Variants in LRRC9 observed in about 807,000 individuals in gnomAD.
The protein encoded by LRRC9 is leucine-rich repeat-containing protein 9.
LRRC9 carries 122 observed loss-of-function variants against 63.2 expected under a neutral mutation model. The observed-to-expected ratio is 1.93, with a 90% CI of 1.67 to 2.24. The LOEUF is 2.24. Ranked by LOEUF, LRRC9 falls within the 30% of genes most tolerant of loss-of-function variation. The pLI is 0.00. For missense variants in LRRC9, 1,071 were observed against 627.7 expected (o/e 1.71, Z -7.55); for synonymous variants, 366 against 213.1 (o/e 1.72, Z -6.25).
intron 31 of LRRC9, among the ~76,000 whole-genome samples, chr14:60,059,624 C>T (rs777443619): frequency 1.3e-5 from 2 of 152,176 alleles, no homozygotes; most frequent in Non-Finnish European, 2.9e-5. Context: ...GATAGGATAT[C>T]AACCAGCCAC....
At chr14:59,955,772 C>T (rs1283907687) in intron 8 of LRRC9, among the ~76,000 whole-genome samples, 1 of 152,130 alleles carries the variant, frequency 6.6e-6, no homozygotes, top group Non-Finnish European at 1.5e-5. Flanking sequence ...CTGTTGTGAG[C>T]ATTTAGTGCT....
chr14:60,062,180 G>T lies in LRRC9; in HGVS notation c.4277-1143G>T, dbSNP rs925577629. On this transcript the variant is annotated intron_variant, in intron 31 of 31. Transcript: ENST00000445360. ...ACCAGAGCAACCAAGATAAGAGAAG[G>T]TAAAGCTATTTTCTCTGTGTTTTAA... is the stretch of plus-strand genomic sequence containing the variant. The T allele has an allele frequency of 2.5e-6, 1 of 398,454 alleles. No homozygotes were observed. The allele number at this position is 398,454 out of a possible 1,614,324, so 24.7% of individuals were successfully genotyped here.
At chr14:60,063,959 A>C (rs534114505), downstream of LRRC9, among the ~76,000 whole-genome samples, 16 of 152,268 alleles carry the variant, frequency 1.1e-4, no homozygotes, top group East Asian at 5.8e-4. Flanking sequence ...TTAGAGATGC[A>C]AATTGTGGGC....
At chr14:59,992,971 T>A (rs1429651712) in intron 17 of LRRC9, among the ~76,000 whole-genome samples, 1 of 151,898 alleles carries the variant, frequency 6.6e-6, no homozygotes, top group East Asian at 1.9e-4. Flanking sequence ...ACAAAGATAC[T>A]CCTCAAGAAG....
rs1415115789 is a variant in LRRC9 at position 60,017,209 on chromosome 14, A to C, written c.3317+419A>C. The stretch of plus-strand genomic sequence containing the variant: ...AAAATTAAAAATTCCTTTGTATGGC[A>C]TAAAAGACTCTTTATTATCTGTCCA... On this transcript the variant is annotated intron_variant, in intron 24 of 31. Transcript: ENST00000445360. This position sits in a 1 kb window ranked among gnomAD's most constrained non-coding sequence, Gnocchi z 4.0. Among the ~76,000 whole-genome samples the C allele has an allele frequency of 6.6e-6, 1 of 152,074 alleles. No homozygotes were observed. The highest frequency in any genetic ancestry group is 1.9e-4 in the East Asian group (1 of 5,172).
rs951729866 is a variant in LRRC9 at position 59,991,984 on chromosome 14, C to A, written c.2212-5672C>A. On this transcript the variant is annotated intron_variant, in intron 17 of 31. Coordinates refer to ENST00000445360, the Ensembl canonical transcript of LRRC9. ...GAGTAGTGGTTCTCCCAGCACGCAG[C>A]TGGAGATCTGAGAACAGACAGACTG... Among the ~76,000 whole-genome samples the A allele has an allele frequency of 3.9e-5, 6 of 152,266 alleles. No homozygotes were observed. The East Asian group carries it at 1.2e-3, about 29-fold the overall frequency.
intron 17 of LRRC9, among the ~76,000 whole-genome samples, chr14:59,991,637 T>A (rs1448419545): frequency 6.6e-6 from 1 of 152,158 alleles, no homozygotes. Flanking sequence ...ACTTTTCCAA[T>A]GGTCTTGGCA....
Position 59,979,369 on chromosome 14 carries a change from A to C in LRRC9, c.1878+1237A>C, listed in dbSNP as rs548607552. 2.6e-5 allele frequency among the ~76,000 whole-genome samples: 4 copies of C among 152,346 alleles called. No homozygotes were observed. In the South Asian group the frequency reaches 8.3e-4, roughly 32 times the overall value. ...TGCGGTGGCTCACGCCTGTAATCCC[A>C]GCACTTTGGGAGGCCAAGGCAGGCG... is the stretch of plus-strand genomic sequence containing the variant. On this transcript the variant is annotated intron_variant, in intron 15 of 31. Coordinates refer to ENST00000445360, the Ensembl canonical transcript of LRRC9.
At chr14:60,061,782 G>GA (rs1348936564) in intron 31 of LRRC9, among the ~76,000 whole-genome samples, 1 of 152,068 alleles carries the variant, frequency 6.6e-6, no homozygotes, top group Non-Finnish European at 1.5e-5. Context: ...CATTATCTAG[G>GA]AAAAATCAAA....
In LRRC9 at chr14:59,938,457, C is replaced by T; in HGVS notation, c.611C>T (p.Thr204Ile). Residue 204 changes from threonine to isoleucine, a missense_variant, in exon 7 of 32, where the codon ACC (threonine) becomes ATC (isoleucine). Transcript: ENST00000445360. This position sits in a 1 kb window ranked among gnomAD's most constrained non-coding sequence, Gnocchi z 4.2. Reference sequence around the variant, plus strand: ...TGTCTGAATGACCCTCAATATACAACCAATCCAGTTTGTCTTCTGTGTAAT... The same window carrying T: ...TGTCTGAATGACCCTCAATATACAATCAATCCAGTTTGTCTTCTGTGTAAT... 1 of 698,236 alleles carries T rather than the reference C, an allele frequency of 1.4e-6. No homozygotes were observed. Among genetic ancestry groups the T allele is most frequent in the Non-Finnish European group, 2.6e-6 (1 of 382,782 alleles). 43.3% of individuals were successfully genotyped at this position (698,236 alleles called of 1,614,324 possible). A position where few individuals can be genotyped will look rare whatever the true frequency, so the allele number is the denominator to read the frequency against.
At chr14:60,009,409 T>G (rs572590424) in intron 23 of LRRC9, among the ~76,000 whole-genome samples, 1 of 152,272 alleles carries the variant, frequency 6.6e-6, no homozygotes, top group South Asian at 2.1e-4. Context: ...GAACTCCCCT[T>G]TATAAAACCA....
intron 17 of LRRC9, among the ~76,000 whole-genome samples, chr14:59,994,917 G>C (rs1888584818): frequency 1.3e-5 from 2 of 151,868 alleles, no homozygotes; most frequent in Non-Finnish European, 2.9e-5. Context: ...TGTTAAATGA[G>C]TTACTGGGTG....
chr14:60,036,749 G>A (rs1445689385), intron 29 of LRRC9, among the ~76,000 whole-genome samples: 3 of 151,150 alleles, frequency 2.0e-5, no homozygotes, highest in African/African-American at 7.3e-5. Context: ...TGCCTTCTGT[G>A]GCTTCATGTA....
At chr14:59,953,676 T>C (rs758516224) in intron 8 of LRRC9, among the ~76,000 whole-genome samples, 39 of 152,218 alleles carry the variant, frequency 2.6e-4, no homozygotes, top group Non-Finnish European at 2.9e-4. Context: ...TAGATCCCAT[T>C]TGTCAATTTT....
chr14:60,025,039 G>T (rs935927501), intron 27 of LRRC9, among the ~76,000 whole-genome samples: 15 of 148,980 alleles, frequency 1.0e-4, no homozygotes, highest in Non-Finnish European at 1.5e-5. Flanking sequence ...TTTTGTTTTT[G>T]TGTTTTTTTC....
rs2140462769 is a variant in LRRC9 at position 60,058,730 on chromosome 14, C to T, written c.4276+708C>T. 6.6e-6 allele frequency among the ~76,000 whole-genome samples: 1 copy of T among 152,146 alleles called. No homozygotes were observed. The highest frequency in any genetic ancestry group is 1.5e-5 in the Non-Finnish European group (1 of 67,990). On this transcript the variant is annotated intron_variant, in intron 31 of 31. Coordinates refer to ENST00000445360, the Ensembl canonical transcript of LRRC9. This position sits in a 1 kb window ranked among gnomAD's most constrained non-coding sequence, Gnocchi z 4.4. ...TCTGACTTCCCATTTGTCCTCAGACCACTCTTAGACAATAAAACTGAACAT... is the reference window on the plus strand; with the variant it reads ...TCTGACTTCCCATTTGTCCTCAGACTACTCTTAGACAATAAAACTGAACAT...
chr14:59,922,430 A>T lies in LRRC9; in HGVS notation c.-34+2547A>T, dbSNP rs1359713799. Among the ~76,000 whole-genome samples the T allele has an allele frequency of 6.6e-6, 1 of 152,212 alleles. No homozygotes were observed. Among genetic ancestry groups the T allele is most frequent in the Admixed American group, 6.5e-5 (1 of 15,278 alleles). On this transcript the variant is annotated intron_variant, in intron 1 of 31. Transcript: ENST00000445360. This position sits in a 1 kb window ranked among gnomAD's most constrained non-coding sequence, Gnocchi z 5.3. ...GGTATCTAAAAACAGCTATTCATAG[A>T]AGAATATAGGAGAGACTTTTTAAGA... is the stretch of plus-strand genomic sequence containing the variant.
chr14:59,985,821 T>A (rs1188031097), intron 17 of LRRC9, among the ~76,000 whole-genome samples: 1 of 152,178 alleles, frequency 6.6e-6, no homozygotes, highest in Non-Finnish European at 1.5e-5. Flanking sequence ...GTTGAACTTT[T>A]GTTAGCAGAC....
At chr14:59,980,624 A>G (rs527847858) in intron 15 of LRRC9, among the ~76,000 whole-genome samples, 37 of 152,186 alleles carry the variant, frequency 2.4e-4, no homozygotes, top group Non-Finnish European at 4.4e-4. Flanking sequence ...TGTTCTAGGA[A>G]CATGATAATC....
Sources: allele counts gnomAD v4.1 joint callset (sites outside exome capture counted in the v4.1 genomes callset), GRCh38; gene constraint gnomAD v4.1.1; non-coding constraint Gnocchi (gnomAD v3.1); transcripts MANE v1.5; gene names NCBI Gene and HGNC (gene_info 2026-07-23, HGNC 2026-07-21).